RHAG: variants seen among roughly 807,000 people sequenced by gnomAD.
RHAG encodes Rh associated glycoprotein.
A neutral mutation model predicts 42.4 loss-of-function variants in RHAG; 25 were observed. That is an observed-to-expected ratio of 0.59 (90% CI 0.43 to 0.82). RHAG has a LOEUF of 0.82. RHAG is among the 40% of genes least tolerant of loss of function. The pLI is 0.00. For missense variants in RHAG, 483 were observed against 504.6 expected (o/e 0.96, Z 0.41); for synonymous variants, 182 against 177.7 (o/e 1.02, Z -0.19).
At chr6:49,607,054 C>T (rs1012994057) in intron 8 of RHAG, 96 bp downstream of exon 8, 2 of 1,291,664 alleles carry the variant, frequency 1.5e-6, no homozygotes, top group South Asian at 2.4e-5. Context: ...AAGTTTAGAA[C>T]ATTTTTGAAT....
At chr6:49,622,863 T>C (rs1435505960) in intron 1 of RHAG, among the ~76,000 whole-genome samples, 4 of 135,906 alleles carry the variant, frequency 2.9e-5, no homozygotes, top group African/African-American at 1.1e-4. Flanking sequence ...TGAGACGGAG[T>C]CTCGCTCTGT....
chr6:49,617,547 A>G (rs1309123985), intron 3 of RHAG, among the ~76,000 whole-genome samples: 3 of 152,232 alleles, frequency 2.0e-5, no homozygotes, highest in Non-Finnish European at 4.4e-5. Flanking sequence ...GTTAATAGAA[A>G]TACAAACAAA....
At chr6:49,634,025 A>G (rs936626186) in intron 1 of RHAG, among the ~76,000 whole-genome samples, 1 of 152,154 alleles carries the variant, frequency 6.6e-6, no homozygotes. Context: ...TTTATGGGAT[A>G]CATGTGGATG....
chr6:49,622,867 G>T (rs1368973732), intron 1 of RHAG, among the ~76,000 whole-genome samples: 3 of 132,956 alleles, frequency 2.3e-5, no homozygotes, highest in East Asian at 2.2e-4. Flanking sequence ...ACGGAGTCTC[G>T]CTCTGTCGCC....
intron 1 of RHAG, among the ~76,000 whole-genome samples, chr6:49,631,721 C>G (rs1443681079): frequency 6.6e-6 from 1 of 152,206 alleles, no homozygotes. Context: ...GTGCCCATGG[C>G]TTGCAGGCCT....
intron 7 of RHAG, among the ~76,000 whole-genome samples, chr6:49,609,247 G>A (rs115514360): frequency 1.0e-3 from 153 of 151,848 alleles, no homozygotes; most frequent in African/African-American, 3.6e-3. Context: ...ATATTCCTCT[G>A]CCTCCTACCC....
chr6:49,612,287 A>C, intron 6 of RHAG, 110 bp downstream of exon 6: 1 of 1,251,216 alleles, frequency 8.0e-7, no homozygotes. Flanking sequence ...AATGGTCTCC[A>C]AATAAAAATG....
chr6:49,621,267 G>A (rs770707446), intron 1 of RHAG, among the ~76,000 whole-genome samples: 4 of 152,122 alleles, frequency 2.6e-5, no homozygotes, highest in African/African-American at 4.8e-5. Flanking sequence ...CAGGAGTGCC[G>A]CCAGATGAAA....
chr6:49,605,598 G>A lies in RHAG; in HGVS notation c.*215C>T, dbSNP rs1774147378. The A allele has an allele frequency of 3.1e-6, 2 of 648,220 alleles. No individual in the cohort carries two copies. The highest frequency in any genetic ancestry group is 5.7e-6 in the Non-Finnish European group (2 of 351,966). The allele number at this position is 648,220 out of a possible 1,614,324, so 40.2% of individuals were successfully genotyped here. Reference sequence around the variant, plus strand: ...CATCCCCTCAATTAATCATTGAAGAGCAAGAGACAGCATCAGACATAAGGA... The same window carrying A: ...CATCCCCTCAATTAATCATTGAAGAACAAGAGACAGCATCAGACATAAGGA... On this transcript the variant is annotated 3_prime_UTR_variant, in exon 10 of 10. Transcript: ENST00000371175.
At chr6:49,616,248 G>A (rs1314044346) in intron 3 of RHAG, among the ~76,000 whole-genome samples, 6 of 151,678 alleles carry the variant, frequency 4.0e-5, no homozygotes, top group Non-Finnish European at 7.4e-5. Context: ...TACTGGGGAG[G>A]CTGAGGCAGG....
intron 1 of RHAG, among the ~76,000 whole-genome samples, 179 bp downstream of exon 1, chr6:49,636,476 AG>A (rs1253710465): frequency 6.6e-6 from 1 of 152,182 alleles, no homozygotes; most frequent in Non-Finnish European, 1.5e-5. Context: ...GTTCCAACCA[AG>A]CACCTTAATC....
chr6:49,617,524 C>A (rs1756456005), intron 3 of RHAG, among the ~76,000 whole-genome samples: 1 of 152,082 alleles, frequency 6.6e-6, no homozygotes, highest in African/African-American at 2.4e-5. Flanking sequence ...AAAATATTTG[C>A]AGTTGAATTA....
chr6:49,611,172 ATTAT>A, intron 6 of RHAG, 27 bp from the exon 7 acceptor site: 1 of 1,588,846 alleles, frequency 6.3e-7, no homozygotes, highest in South Asian at 1.1e-5. Context: ...AAGAAGGTTT[ATTAT>A]TTAGTTAAAC....
At chr6:49,633,632 T>A (rs1260004299) in intron 1 of RHAG, among the ~76,000 whole-genome samples, 1 of 152,148 alleles carries the variant, frequency 6.6e-6, no homozygotes, top group African/African-American at 2.4e-5. Context: ...ATGGACAGCA[T>A]TTTGAGTGAA....
At chr6:49,606,958 G>A (rs775086273) in intron 8 of RHAG, 37 bp from the exon 9 acceptor site, 19 of 1,473,236 alleles carry the variant, frequency 1.3e-5, no homozygotes, top group Non-Finnish European at 1.7e-5. Flanking sequence ...ATGTTGTGAC[G>A]CTGAAGAGGA....
At chr6:49,613,317 A>C (rs1284571865) in intron 5 of RHAG, among the ~76,000 whole-genome samples, 1 of 152,128 alleles carries the variant, frequency 6.6e-6, no homozygotes, top group East Asian at 1.9e-4. Context: ...TGATCCACCC[A>C]CCTTGGCCTC....
chr6:49,607,826 G>A (rs557495321), intron 7 of RHAG, among the ~76,000 whole-genome samples: 1 of 152,298 alleles, frequency 6.6e-6, no homozygotes, highest in African/African-American at 2.4e-5. Flanking sequence ...TCTTAGCACA[G>A]CAGCTTACTC....
intron 7 of RHAG, among the ~76,000 whole-genome samples, chr6:49,607,624 G>A (rs1288277433): frequency 6.6e-6 from 1 of 152,152 alleles, no homozygotes; most frequent in Non-Finnish European, 1.5e-5. Context: ...GCTAATTTCA[G>A]CATATATTGT....
intron 7 of RHAG, among the ~76,000 whole-genome samples, chr6:49,609,812 G>C (rs976490602): frequency 6.6e-6 from 1 of 152,112 alleles, no homozygotes; most frequent in Non-Finnish European, 1.5e-5. Flanking sequence ...TGATCATTCA[G>C]ACATTTCTAG....
Sources: gnomAD v4.1 joint callset for allele counts (sites outside exome capture counted in the v4.1 genomes callset) on GRCh38, gnomAD v4.1.1 for gene constraint, MANE v1.5 for transcripts, NCBI Gene and HGNC (gene_info 2026-07-23, HGNC 2026-07-21) for gene names.